The following ANGPT1 variants were observed in gnomAD, a reference collection of about 807,000 sequenced individuals.
ANGPT1 encodes angiopoietin-1.
ANGPT1 carries 17 observed loss-of-function variants against 62.2 expected under a neutral mutation model. The observed-to-expected ratio is 0.27, with a 90% CI of 0.19 to 0.41. The LOEUF (loss-of-function observed/expected upper bound fraction) is 0.41, where lower values mean the gene tolerates loss of function less well. ANGPT1 is among the 10% of genes least tolerant of loss of function. The pLI is 1.00. For missense variants in ANGPT1, 478 were observed against 594.9 expected (o/e 0.80, Z 2.04); for synonymous variants, 199 against 198.9 (o/e 1.00, Z 0.00).
intron 1 of ANGPT1, among the ~76,000 whole-genome samples, chr8:107,420,670 T>C (rs1370840777): frequency 6.6e-6 from 1 of 152,158 alleles, no homozygotes; most frequent in Non-Finnish European, 1.5e-5. Context: ...CCAAAACTTT[T>C]GTTATCAATC....
chr8:107,473,287 T>G (rs1812412147), intron 1 of ANGPT1, among the ~76,000 whole-genome samples: 1 of 152,070 alleles, frequency 6.6e-6, no homozygotes, highest in South Asian at 2.1e-4. Flanking sequence ...TGCACAGTCT[T>G]AATATTAATC....
chr8:107,450,013 A>G (rs1811727326), intron 1 of ANGPT1, among the ~76,000 whole-genome samples: 1 of 152,062 alleles, frequency 6.6e-6, no homozygotes, highest in Non-Finnish European at 1.5e-5. Context: ...GCAATAGATA[A>G]CTGTTTGAAT....
chr8:107,407,664 T>C (rs1159503763), intron 1 of ANGPT1, among the ~76,000 whole-genome samples: 1 of 152,162 alleles, frequency 6.6e-6, no homozygotes, highest in East Asian at 1.9e-4. Context: ...GAGTAAATAA[T>C]AGAAAACAGC....
intron 8 of ANGPT1, among the ~76,000 whole-genome samples, chr8:107,262,840 T>C (rs1429778303): frequency 6.6e-6 from 1 of 152,200 alleles, no homozygotes; most frequent in Non-Finnish European, 1.5e-5. Context: ...TTGAGTGATA[T>C]CATTTGCCAT....
intron 1 of ANGPT1, among the ~76,000 whole-genome samples, chr8:107,461,175 T>A (rs886361116): frequency 1.3e-5 from 2 of 152,308 alleles, no homozygotes; most frequent in South Asian, 4.1e-4. Flanking sequence ...CTGGGCTAGA[T>A]CATTTCAGGC....
chr8:107,405,683 C>G (rs191579428), intron 1 of ANGPT1, among the ~76,000 whole-genome samples: 1 of 151,784 alleles, frequency 6.6e-6, no homozygotes, highest in Non-Finnish European at 1.5e-5. Context: ...AAATCTGAAA[C>G]GCTCCTGGTC....
intron 2 of ANGPT1, among the ~76,000 whole-genome samples, chr8:107,340,075 A>G (rs565489136): frequency 1.8e-4 from 28 of 152,342 alleles, no homozygotes; most frequent in African/African-American, 6.3e-4. Flanking sequence ...AGAGAATTGC[A>G]TAGCAAACTA....
intron 1 of ANGPT1, among the ~76,000 whole-genome samples, chr8:107,395,338 C>T (rs753020268): frequency 2.6e-5 from 4 of 152,066 alleles, no homozygotes; most frequent in Non-Finnish European, 4.4e-5. Context: ...AGGATCAAGT[C>T]GAGGTATTTA....
intron 1 of ANGPT1, among the ~76,000 whole-genome samples, chr8:107,442,052 C>T (rs944450690): frequency 3.9e-5 from 6 of 152,074 alleles, no homozygotes; most frequent in African/African-American, 7.2e-5. Flanking sequence ...CCATCGCACT[C>T]CAGCCTCGGT....
chr8:107,373,832 A>T (rs940465314), intron 1 of ANGPT1, among the ~76,000 whole-genome samples: 1 of 152,238 alleles, frequency 6.6e-6, no homozygotes, highest in Admixed American at 6.5e-5. Flanking sequence ...CAGAGAATTA[A>T]GTAGATGAAC....
At chr8:107,373,077 GA>G (rs948431296) in intron 1 of ANGPT1, among the ~76,000 whole-genome samples, 6 of 152,166 alleles carry the variant, frequency 3.9e-5, no homozygotes, top group Non-Finnish European at 7.3e-5. Flanking sequence ...ATCTCAGACA[GA>G]AAAGTGATAA....
At chr8:107,285,536 TG>T (rs1277479644) in intron 6 of ANGPT1, among the ~76,000 whole-genome samples, 1 of 152,140 alleles carries the variant, frequency 6.6e-6, no homozygotes, top group Admixed American at 6.6e-5. Flanking sequence ...AAGGCTGATT[TG>T]TAAGTGCTCC....
intron 1 of ANGPT1, among the ~76,000 whole-genome samples, chr8:107,462,689 T>C (rs1434241068): frequency 6.6e-6 from 1 of 152,082 alleles, no homozygotes; most frequent in Non-Finnish European, 1.5e-5. Flanking sequence ...GCTATTCAAT[T>C]ATACATGTAT....
At chr8:107,446,735 G>A (rs1309858376) in intron 1 of ANGPT1, among the ~76,000 whole-genome samples, 1 of 152,166 alleles carries the variant, frequency 6.6e-6, no homozygotes, top group African/African-American at 2.4e-5. Context: ...GAACTTAATA[G>A]ACCAGTTATG....
intron 1 of ANGPT1, among the ~76,000 whole-genome samples, chr8:107,477,822 A>G (rs555010962): frequency 6.6e-6 from 1 of 152,202 alleles, no homozygotes; most frequent in African/African-American, 2.4e-5. Flanking sequence ...TTAGCCAAGG[A>G]TTTTGGACTA....
At chr8:107,253,303 C>T (rs1056313225) in intron 8 of ANGPT1, among the ~76,000 whole-genome samples, 1 of 152,138 alleles carries the variant, frequency 6.6e-6, no homozygotes, top group African/African-American at 2.4e-5. Flanking sequence ...GGAGGAACTG[C>T]AAGTAAAATC....
At chr8:107,401,064 C>T (rs190673375) in intron 1 of ANGPT1, among the ~76,000 whole-genome samples, 2 of 152,230 alleles carry the variant, frequency 1.3e-5, no homozygotes, top group East Asian at 3.9e-4. Flanking sequence ...AAATGTGTTC[C>T]TGGTGCTCCT....
At chr8:107,465,996 C>G (rs984717675) in intron 1 of ANGPT1, among the ~76,000 whole-genome samples, 20 of 152,196 alleles carry the variant, frequency 1.3e-4, no homozygotes, top group Non-Finnish European at 2.9e-4. Flanking sequence ...GTTAGCCGTT[C>G]CACTGTCCTT....
chr8:107,295,453 T>C (rs766540963), intron 5 of ANGPT1: 2 of 152,122 alleles, frequency 1.3e-5, no homozygotes, highest in African/African-American at 2.4e-5. Flanking sequence ...CAACCATTCT[T>C]GGGCATCAGT....
Sources: gnomAD v4.1 joint callset for allele counts (sites outside exome capture counted in the v4.1 genomes callset) on GRCh38, gnomAD v4.1.1 for gene constraint, MANE v1.5 for transcripts, NCBI Gene and HGNC (gene_info 2026-07-23, HGNC 2026-07-21) for gene names.